Variants in GALNT17 observed in about 807,000 individuals in gnomAD.
GALNT17 encodes the protein UDP-GalNAc:polypeptide N-acetylgalactosaminyltransferase-like 3.
GALNT17 carries 29 observed loss-of-function variants against 63.7 expected under a neutral mutation model. The ratio of observed to expected loss-of-function variants is 0.46; its 90% CI spans 0.34 to 0.62. GALNT17 has a LOEUF of 0.62. Among genes scored for constraint, GALNT17 ranks in the 20% least tolerant of loss-of-function variants. GALNT17 has a pLI of 0.01. For synonymous variants in GALNT17, 305 were observed against 318.3 expected, an observed-to-expected ratio of 0.96 and a Z score of 0.45; for missense variants, 603 against 799.6, an observed-to-expected ratio of 0.75 and a Z score of 2.97.
At position 71,132,659 on chromosome 7, in the gene GALNT17, G is replaced by A. The variant is rs570177305; in HGVS notation, c.-144G>A. 4.5e-6 allele frequency: 3 copies of A among 662,610 alleles called. No individual in the cohort carries two copies. Among genetic ancestry groups the A allele is most frequent in the South Asian group, 2.0e-5 (1 of 49,012 alleles). The allele number at this position is 662,610 out of a possible 1,614,324, so 41.0% of individuals were successfully genotyped here. On this transcript the variant is annotated 5_prime_UTR_variant, in exon 1 of 11. Transcript: ENST00000333538. ...GACCTCCCAGCCGTCTCCGCCGCCC[G>A]AGCATCCTTGAGGTGGGACGAGCAG...
At chr7:71,612,027 C>T (rs757945552) in intron 6 of GALNT17, among the ~76,000 whole-genome samples, 4 of 152,294 alleles carry the variant, frequency 2.6e-5, no homozygotes, top group East Asian at 3.9e-4. Flanking sequence ...AAGCAATCGG[C>T]ATCATTCAGG....
At chr7:71,639,201 C>T (rs1221651801) in intron 6 of GALNT17, among the ~76,000 whole-genome samples, 4 of 152,048 alleles carry the variant, frequency 2.6e-5, no homozygotes, top group Non-Finnish European at 5.9e-5. Context: ...TCGTGTACCC[C>T]ATAAATATAT....
At chr7:71,430,325 A>G (rs1398488870) in intron 5 of GALNT17, among the ~76,000 whole-genome samples, 1 of 152,216 alleles carries the variant, frequency 6.6e-6, no homozygotes, top group African/African-American at 2.4e-5. Flanking sequence ...CCATAAGTTC[A>G]TGAAAACCTG....
At chr7:71,306,995 T>C (rs1429573571) in intron 1 of GALNT17, among the ~76,000 whole-genome samples, 1 of 152,088 alleles carries the variant, frequency 6.6e-6, no homozygotes, top group African/African-American at 2.4e-5. Context: ...GGCTAATTTT[T>C]GTATTTTTAG....
At chr7:71,481,626 T>C (rs1273239249) in intron 5 of GALNT17, among the ~76,000 whole-genome samples, 1 of 152,022 alleles carries the variant, frequency 6.6e-6, no homozygotes, top group African/African-American at 2.4e-5. Context: ...GCTTTGTAGC[T>C]CACCCACATT....
chr7:71,387,174 T>G (rs1342896956), intron 2 of GALNT17, among the ~76,000 whole-genome samples: 2 of 151,504 alleles, frequency 1.3e-5, no homozygotes, highest in Non-Finnish European at 2.9e-5. Flanking sequence ...CTGAGGGAGC[T>G]GGGGTATTTG....
At chr7:71,414,772 A>C (rs997021403) in intron 3 of GALNT17, among the ~76,000 whole-genome samples, 1 of 152,142 alleles carries the variant, frequency 6.6e-6, no homozygotes, top group African/African-American at 2.4e-5. Context: ...CTGAACTTAC[A>C]GAGATTCCTG....
chr7:71,267,556 C>G (rs796866793), intron 1 of GALNT17, among the ~76,000 whole-genome samples: 18 of 152,324 alleles, frequency 1.2e-4, no homozygotes, highest in African/African-American at 4.3e-4. Context: ...AGATATTTCT[C>G]TCATCCATTT....
At chr7:71,141,844 GTGTGT>G (rs1201372834) in intron 1 of GALNT17, among the ~76,000 whole-genome samples, 2 of 79,302 alleles carry the variant, frequency 2.5e-5, no homozygotes, top group African/African-American at 8.9e-5. Context: ...GTCTGGCTGT[GTGTGT>G]GTGTGTGTGT....
chr7:71,384,227 T>A (rs1298145433), intron 2 of GALNT17, among the ~76,000 whole-genome samples: 2 of 152,164 alleles, frequency 1.3e-5, no homozygotes, highest in Non-Finnish European at 2.9e-5. Flanking sequence ...TGATTAGTGA[T>A]GTTGAGCAGA....
At position 71,133,052 on chromosome 7, in the gene GALNT17, C is replaced by T. The variant is rs1562848272; in HGVS notation, c.238+12C>T. 8 of 1,536,318 alleles carry T rather than the reference C, an allele frequency of 5.2e-6. No individual in the cohort carries two copies. Among genetic ancestry groups the T allele is most frequent in the Non-Finnish European group, 7.0e-6 (8 of 1,145,206 alleles). On this transcript the variant is annotated intron_variant, in intron 1 of 10. Coordinates refer to ENST00000333538, the MANE Select transcript of GALNT17 (RefSeq NM_022479.3). Reference sequence around the variant, plus strand: ...CCGGCAGCTGAATGGTAAGGACGCACGCCGGCGCCTCCGGGGCTCGACGCG... The same window carrying T: ...CCGGCAGCTGAATGGTAAGGACGCATGCCGGCGCCTCCGGGGCTCGACGCG...
chr7:71,587,727 G>C (rs1024176697), intron 6 of GALNT17, among the ~76,000 whole-genome samples: 7 of 151,490 alleles, frequency 4.6e-5, no homozygotes, highest in African/African-American at 1.7e-4. Flanking sequence ...CACTAATAAA[G>C]AAAAAATGAT....
intron 1 of GALNT17, among the ~76,000 whole-genome samples, chr7:71,185,041 C>T (rs1018717971): frequency 6.1e-5 from 7 of 114,424 alleles, no homozygotes; most frequent in African/African-American, 3.1e-4. Context: ...CTCTTCTCTT[C>T]CTCCCCCTCC....
chr7:71,690,443 G>A (rs1445105725), intron 9 of GALNT17, among the ~76,000 whole-genome samples: 3 of 151,790 alleles, frequency 2.0e-5, no homozygotes, highest in Admixed American at 6.6e-5. Context: ...TGATGGATAC[G>A]TACCAAAAGA....
At chr7:71,216,788 A>G (rs926217427) in intron 1 of GALNT17, among the ~76,000 whole-genome samples, 7 of 151,882 alleles carry the variant, frequency 4.6e-5, no homozygotes, top group African/African-American at 1.7e-4. Context: ...ACATATATAC[A>G]TACACATATA....
At chr7:71,191,028 G>C (rs140250851) in intron 1 of GALNT17, among the ~76,000 whole-genome samples, 1 of 152,220 alleles carries the variant, frequency 6.6e-6, no homozygotes, top group African/African-American at 2.4e-5. Flanking sequence ...GTGTTTCTTG[G>C]AATTTTTTTC....
chr7:71,231,469 A>G (rs529892800), intron 1 of GALNT17, among the ~76,000 whole-genome samples: 1 of 152,298 alleles, frequency 6.6e-6, no homozygotes, highest in Non-Finnish European at 1.5e-5. Context: ...GAGAGGGTGG[A>G]TGGAAAGATG....
chr7:71,225,789 C>T (rs999652060), intron 1 of GALNT17, among the ~76,000 whole-genome samples: 2 of 152,068 alleles, frequency 1.3e-5, no homozygotes, highest in African/African-American at 4.8e-5. Context: ...CAATAATGGG[C>T]AATTGATTAA....
At position 71,293,143 on chromosome 7, in the gene GALNT17, C is replaced by A. The variant is rs75165865; in HGVS notation, c.239-42407C>A. Among the ~76,000 whole-genome samples the A allele has an allele frequency of 8.4e-3, 1,273 of 152,204 alleles. 18 individuals carry two copies. Among genetic ancestry groups the A allele is most frequent in the African/African-American group, 0.029 (1,184 of 41,536 alleles). ...AGTGAGATTATTTTTGTATCTTGGCCATTGTGAATAATACTGCAGCCGCTC... is the reference window on the plus strand; with the variant it reads ...AGTGAGATTATTTTTGTATCTTGGCAATTGTGAATAATACTGCAGCCGCTC... On this transcript the variant is annotated intron_variant, in intron 1 of 10. Coordinates refer to ENST00000333538, the MANE Select transcript of GALNT17 (RefSeq NM_022479.3).
Sources: allele counts gnomAD v4.1 joint callset (sites outside exome capture counted in the v4.1 genomes callset), GRCh38; gene constraint gnomAD v4.1.1; transcripts MANE v1.5; gene names NCBI Gene and HGNC (gene_info 2026-07-23, HGNC 2026-07-21).